Variants in CPE observed in about 807,000 individuals in gnomAD.
CPE encodes carbocypeptidase E.
CPE carries 17 observed loss-of-function variants against 53.5 expected under a neutral mutation model. The ratio of observed to expected loss-of-function variants is 0.32; its 90% CI spans 0.22 to 0.48. The LOEUF (loss-of-function observed/expected upper bound fraction) is 0.48. Ranked by LOEUF, CPE falls within the 20% of genes least tolerant of loss-of-function variation. The pLI is 0.99. For synonymous variants in CPE, 226 were observed against 228.8 expected (o/e 0.99, Z 0.11); for missense variants, 524 against 614.7 (o/e 0.85, Z 1.56).
chr4:165,380,124 C>G (rs1161673744), intron 1 of CPE, among the ~76,000 whole-genome samples: 2 of 152,140 alleles, frequency 1.3e-5, no homozygotes, highest in African/African-American at 2.4e-5. Context: ...ACACTCGCTG[C>G]TGTGGATGCT....
chr4:165,457,009 G>C (rs1488978540), intron 1 of CPE, among the ~76,000 whole-genome samples: 1 of 152,076 alleles, frequency 6.6e-6, no homozygotes, highest in Non-Finnish European at 1.5e-5. Context: ...AAAGTGCTGG[G>C]ATTACAGGTA....
intron 1 of CPE, among the ~76,000 whole-genome samples, chr4:165,424,105 C>T (rs1178570069): frequency 6.8e-6 from 1 of 146,800 alleles, no homozygotes; most frequent in Non-Finnish European, 1.5e-5. Flanking sequence ...AGGTTTTTGC[C>T]ATATATAACT....
chr4:165,379,116 C>A lies in CPE; in HGVS notation c.-106C>A. Reference sequence around the variant, plus strand: ...AAGGTGAGGCGAGTAGAGGCTGGTGCGGAACTTGCCGCCCCCAGCAGCGCC... The same window carrying A: ...AAGGTGAGGCGAGTAGAGGCTGGTGAGGAACTTGCCGCCCCCAGCAGCGCC... On this transcript the variant is annotated 5_prime_UTR_variant, in exon 1 of 9. Coordinates refer to ENST00000402744, the MANE Select transcript of CPE (RefSeq NM_001873.4). The surrounding 1 kb of genome is among the most constrained non-coding windows in gnomAD (Gnocchi z 6.0). 2.0e-6 allele frequency: 2 copies of A among 1,004,760 alleles called. No homozygotes were observed. The highest frequency in any genetic ancestry group is 2.5e-6 in the Non-Finnish European group (2 of 792,724). The allele number at this position is 1,004,760 out of a possible 1,614,324, so 62.2% of individuals were successfully genotyped here.
Position 165,379,190 on chromosome 4 carries a change from G to C in CPE, c.-32G>C. ...CAGACAAAAGAGGCCGCCCGCGTAG[G>C]AAGGCACGGCCGGCGGCGGCGGAGC... On this transcript the variant is annotated 5_prime_UTR_variant, in exon 1 of 9. Coordinates refer to ENST00000402744, the MANE Select transcript of CPE (RefSeq NM_001873.4). The surrounding 1 kb of genome is among the most constrained non-coding windows in gnomAD (Gnocchi z 6.0). 1 of 1,223,058 alleles carries C rather than the reference G, an allele frequency of 8.2e-7. No homozygotes were observed. Among genetic ancestry groups the C allele is most frequent in the South Asian group, 4.1e-5 (1 of 24,458 alleles). The allele number at this position is 1,223,058 out of a possible 1,614,324, so 75.8% of individuals were successfully genotyped here.
intron 1 of CPE, among the ~76,000 whole-genome samples, chr4:165,434,693 C>T (rs1731466792): frequency 6.6e-6 from 1 of 152,058 alleles, no homozygotes; most frequent in Non-Finnish European, 1.5e-5. Flanking sequence ...GGGAAGCTGC[C>T]AGTGTGAAGG....
chr4:165,382,593 G>T (rs568199700), intron 1 of CPE, among the ~76,000 whole-genome samples: 1 of 152,052 alleles, frequency 6.6e-6, no homozygotes, highest in Non-Finnish European at 1.5e-5. Context: ...GATTTCTAAG[G>T]ATTTAGTTGT....
intron 1 of CPE, among the ~76,000 whole-genome samples, chr4:165,439,734 C>T (rs1043405181): frequency 1.3e-5 from 2 of 151,990 alleles, no homozygotes; most frequent in African/African-American, 2.4e-5. Flanking sequence ...TATATATTTA[C>T]GGTTGCTGCT....
intron 1 of CPE, among the ~76,000 whole-genome samples, chr4:165,445,959 A>G (rs988628471): frequency 6.6e-6 from 1 of 152,150 alleles, no homozygotes; most frequent in African/African-American, 2.4e-5. Context: ...AGATTAAAGT[A>G]TAGATGGAAA....
In CPE at chr4:165,426,935, T is replaced by C. The variant is rs1465068289; in HGVS notation, c.308-37455T>C. 2.0e-5 allele frequency among the ~76,000 whole-genome samples: 3 copies of C among 152,316 alleles called. No homozygotes were observed. The East Asian group carries it at 5.8e-4, about 29-fold the overall frequency. On this transcript the variant is annotated intron_variant, in intron 1 of 8. Transcript: ENST00000402744. ...CGGGCCTGAAAGAGAGTTGCTGTTT[T>C]TATAGTTGAATGCAAAGGCTTTTAC...
intron 1 of CPE, among the ~76,000 whole-genome samples, chr4:165,397,819 T>C (rs968629745): frequency 1.3e-5 from 2 of 151,662 alleles, no homozygotes; most frequent in African/African-American, 4.8e-5. Context: ...CGTGGGAGGA[T>C]TGCTTGAGGC....
chr4:165,388,784 G>T (rs1014962710), intron 1 of CPE, among the ~76,000 whole-genome samples: 19 of 152,294 alleles, frequency 1.2e-4, no homozygotes, highest in African/African-American at 3.4e-4. Flanking sequence ...TGTTTTAGTT[G>T]CAGTGCTGGA....
At chr4:165,440,452 CCA>C (rs775836712) in intron 1 of CPE, among the ~76,000 whole-genome samples, 11 of 137,800 alleles carry the variant, frequency 8.0e-5, no homozygotes, top group South Asian at 2.3e-4. Flanking sequence ...TCTCACAACC[CCA>C]CCCCCCCCCA....
chr4:165,389,634 G>A (rs1342565934), intron 1 of CPE, among the ~76,000 whole-genome samples: 1 of 152,174 alleles, frequency 6.6e-6, no homozygotes, highest in African/African-American at 2.4e-5. Context: ...TAATTTCATA[G>A]CCAAACATGC....
At chr4:165,390,432 C>T (rs556835966) in intron 1 of CPE, among the ~76,000 whole-genome samples, 1 of 152,086 alleles carries the variant, frequency 6.6e-6, no homozygotes, top group African/African-American at 2.4e-5. Context: ...GAATTTTTGC[C>T]GCCATTTCTT....
intron 1 of CPE, among the ~76,000 whole-genome samples, chr4:165,445,571 G>T (rs984666480): frequency 1.3e-5 from 2 of 152,008 alleles, no homozygotes; most frequent in African/African-American, 2.4e-5. Flanking sequence ...TTTCACAATT[G>T]TATAGCCAGG....
intron 5 of CPE, among the ~76,000 whole-genome samples, chr4:165,486,955 C>A (rs906465371): frequency 6.6e-6 from 1 of 152,126 alleles, no homozygotes; most frequent in Admixed American, 6.6e-5. Flanking sequence ...CCTTGATTGA[C>A]AATAGTATAT....
chr4:165,490,805 G>T (rs1732589838), intron 6 of CPE, among the ~76,000 whole-genome samples: 1 of 152,140 alleles, frequency 6.6e-6, no homozygotes, highest in Non-Finnish European at 1.5e-5. Flanking sequence ...GTACATGAGG[G>T]TTTAGGGGCT....
At chr4:165,418,234 A>G (rs1371022894) in intron 1 of CPE, 1 of 152,272 alleles carries the variant, frequency 6.6e-6, no homozygotes, top group African/African-American at 2.4e-5. Context: ...AGGAGACACA[A>G]GAGTGGGAAG....
intron 1 of CPE, among the ~76,000 whole-genome samples, chr4:165,435,834 C>T (rs925164243): frequency 6.6e-6 from 1 of 152,158 alleles, no homozygotes; most frequent in Admixed American, 6.5e-5. Flanking sequence ...CCCTATCACT[C>T]CATTAAAGAC....
Sources: gnomAD v4.1 joint callset for allele counts (sites outside exome capture counted in the v4.1 genomes callset) on GRCh38, gnomAD v4.1.1 for gene constraint, Gnocchi (gnomAD v3.1) non-coding constraint, MANE v1.5 for transcripts, NCBI Gene and HGNC (gene_info 2026-07-23, HGNC 2026-07-21) for gene names.